The following MACROD2 variants were observed in gnomAD, a reference collection of about 807,000 sequenced individuals.
The protein encoded by MACROD2 is mono-ADP ribosylhydrolase 2.
Under a neutral mutation model 70.4 loss-of-function variants are expected in MACROD2, and 36 were observed. The observed-to-expected ratio is 0.51, with a 90% CI of 0.39 to 0.68. The LOEUF (loss-of-function observed/expected upper bound fraction) is 0.68. MACROD2 is among the 30% of genes least tolerant of loss of function. The pLI is 0.00. For missense variants in MACROD2, 496 were observed against 538.4 expected (o/e 0.92, Z 0.78); for synonymous variants, 172 against 178.8 (o/e 0.96, Z 0.30).
At chr20:15,559,087 C>T (rs2048206368) in intron 8 of MACROD2, among the ~76,000 whole-genome samples, 1 of 151,878 alleles carries the variant, frequency 6.6e-6, no homozygotes. Flanking sequence ...ATTAGCTGGG[C>T]ATGGTGGCGC....
At chr20:15,488,062 A>AGG (rs556011166) in intron 7 of MACROD2, among the ~76,000 whole-genome samples, 81 of 152,262 alleles carry the variant, frequency 5.3e-4, no homozygotes, top group African/African-American at 1.9e-3. Flanking sequence ...TGTCCCTGAA[A>AGG]GGGGTCCTTC....
chr20:14,401,530 C>A (rs187439812), intron 3 of MACROD2, among the ~76,000 whole-genome samples: 49 of 152,234 alleles, frequency 3.2e-4, no homozygotes, highest in African/African-American at 8.2e-4. Context: ...AAATATGAAT[C>A]TAAATAAGTC....
chr20:14,100,847 T>C (rs566642906), intron 3 of MACROD2, among the ~76,000 whole-genome samples: 4 of 141,960 alleles, frequency 2.8e-5, no homozygotes, highest in African/African-American at 1.0e-4. Flanking sequence ...TATAATATAA[T>C]ATATATCATA....
intron 7 of MACROD2, among the ~76,000 whole-genome samples, chr20:15,476,248 C>G (rs955151689): frequency 1.3e-5 from 2 of 152,238 alleles, no homozygotes; most frequent in South Asian, 2.1e-4. Flanking sequence ...CCTTATTACC[C>G]CTTAAAATTT....
rs544468751 is a variant in MACROD2, at chr20:15,394,398, C to G, written c.541-37007C>G. Reference sequence around the variant, plus strand: ...TTGTTGCCCAAGCTCTGGTAGACCTCTCAGCTTTTTATGGCCTGCCAGCCT... The same window carrying G: ...TTGTTGCCCAAGCTCTGGTAGACCTGTCAGCTTTTTATGGCCTGCCAGCCT... On this transcript the variant is annotated intron_variant, in intron 6 of 17. Coordinates refer to ENST00000684519, the MANE Select transcript of MACROD2 (RefSeq NM_001351661.2). Among the ~76,000 whole-genome samples the G allele has an allele frequency of 1.2e-4, 18 of 152,296 alleles. No individual in the cohort carries two copies. In the South Asian group the frequency reaches 3.5e-3, roughly 30 times the overall value.
chr20:14,367,834 C>T (rs781063013), intron 3 of MACROD2, among the ~76,000 whole-genome samples: 2 of 151,860 alleles, frequency 1.3e-5, no homozygotes, highest in Non-Finnish European at 2.9e-5. Flanking sequence ...AGTGCTCAGC[C>T]ATTATCTTTA....
intron 8 of MACROD2, among the ~76,000 whole-genome samples, chr20:15,738,331 A>G (rs1156540892): frequency 1.3e-5 from 2 of 152,204 alleles, no homozygotes; most frequent in Admixed American, 6.5e-5. Context: ...ACTATGTAAA[A>G]AAGAAAGTGA....
intron 3 of MACROD2, among the ~76,000 whole-genome samples, chr20:14,341,702 T>C (rs2083014791): frequency 6.6e-6 from 1 of 152,200 alleles, no homozygotes; most frequent in South Asian, 2.1e-4. Flanking sequence ...GGACTGTTAT[T>C]AGTTAAGATA....
intron 3 of MACROD2, among the ~76,000 whole-genome samples, chr20:14,090,182 T>C (rs1262899256): frequency 1.3e-5 from 2 of 152,248 alleles, no homozygotes; most frequent in Non-Finnish European, 1.5e-5. Context: ...TGAATGTGTG[T>C]ATATATGTGT....
chr20:14,460,591 A>G (rs1465138981), intron 3 of MACROD2, among the ~76,000 whole-genome samples: 1 of 152,116 alleles, frequency 6.6e-6, no homozygotes, highest in Non-Finnish European at 1.5e-5. Flanking sequence ...TTTGAGATAC[A>G]TTCCATCAAT....
chr20:15,941,093 C>A (rs940990952), intron 12 of MACROD2, among the ~76,000 whole-genome samples: 12 of 152,084 alleles, frequency 7.9e-5, no homozygotes, highest in Non-Finnish European at 2.9e-5. Flanking sequence ...CCATTAATTG[C>A]TTATGCCAGG....
chr20:14,718,292 C>CAA lies in MACROD2; in HGVS notation c.418+33358_418+33359dup, dbSNP rs11358439. The stretch of plus-strand genomic sequence containing the variant: ...TGGGCGACAGAGAGAGACTCTGTCT[C>CAA]AAAAAAAAAAAAAAAAAAAAAAAAA... On this transcript the variant is annotated intron_variant, in intron 5 of 17. Coordinates refer to ENST00000684519, the MANE Select transcript of MACROD2 (RefSeq NM_001351661.2). Among the ~76,000 whole-genome samples the CAA allele has an allele frequency of 3.9e-3, 215 of 54,650 alleles. 41 individuals are homozygous for CAA. The highest frequency in any genetic ancestry group is 0.011 in the East Asian group (19 of 1,672). 35.9% of individuals were successfully genotyped at this position (54,650 alleles called of 152,430 possible). A position where few individuals can be genotyped will look rare whatever the true frequency, so the allele number is the denominator to read the frequency against.
chr20:14,981,734 C>T (rs2074803043), intron 5 of MACROD2, among the ~76,000 whole-genome samples: 1 of 152,092 alleles, frequency 6.6e-6, no homozygotes, highest in East Asian at 1.9e-4. Context: ...TGTGAGGCCT[C>T]CCCAGCCACA....
chr20:15,187,881 T>A (rs6135359), intron 5 of MACROD2, among the ~76,000 whole-genome samples: 12,522 of 152,204 alleles, frequency 0.082, 635 homozygotes, highest in Admixed American at 0.12. Flanking sequence ...TTTTTAAAAA[T>A]TGTTTCACAA....
rs552060721 is a variant in MACROD2, at chr20:15,792,790, C to T, written c.646-69955C>T. Among the ~76,000 whole-genome samples the T allele has an allele frequency of 4.6e-5, 7 of 152,294 alleles. No homozygotes were observed. In the South Asian group the frequency reaches 1.5e-3, roughly 32 times the overall value. ...CAGAAGTCTGGAATATACATTTCTT[C>T]ATGACTTTGTGATGCCTCTGATGGG... On this transcript the variant is annotated intron_variant, in intron 8 of 17. Coordinates refer to ENST00000684519, the MANE Select transcript of MACROD2 (RefSeq NM_001351661.2).
At position 15,157,816 on chromosome 20, in the gene MACROD2, A is replaced by G. The variant is rs571073177; in HGVS notation, c.419-72124A>G. 7.6e-4 allele frequency among the ~76,000 whole-genome samples: 116 copies of G among 152,174 alleles called. 1 individual carries two copies. The highest frequency in any genetic ancestry group is 2.4e-3 in the African/African-American group (100 of 41,528). On this transcript the variant is annotated intron_variant, in intron 5 of 17. Coordinates refer to ENST00000684519, the MANE Select transcript of MACROD2 (RefSeq NM_001351661.2). ...GCAGATGCTGGTTAGTGGTGGCTGT[A>G]TCCCTCTTCAGAAGTAGCCCTCTTT... is the stretch of plus-strand genomic sequence containing the variant.
intron 6 of MACROD2, among the ~76,000 whole-genome samples, chr20:15,379,496 A>G (rs948173584): frequency 3.3e-5 from 5 of 151,928 alleles, no homozygotes; most frequent in Non-Finnish European, 5.9e-5. Context: ...TTCCAACCAC[A>G]GGTGGTCCAC....
intron 3 of MACROD2, among the ~76,000 whole-genome samples, chr20:14,463,896 G>C (rs904868079): frequency 6.6e-6 from 1 of 151,982 alleles, no homozygotes; most frequent in Non-Finnish European, 1.5e-5. Context: ...ACTAGATCAT[G>C]GTGGATAAGC....
intron 3 of MACROD2, among the ~76,000 whole-genome samples, chr20:14,276,473 G>A (rs1283236461): frequency 9.6e-6 from 1 of 104,268 alleles, no homozygotes; most frequent in African/African-American, 3.9e-5. Context: ...TCTGGGGACT[G>A]TTGTGGGGTG....
Sources: gnomAD v4.1 joint callset for allele counts (sites outside exome capture counted in the v4.1 genomes callset) on GRCh38, gnomAD v4.1.1 for gene constraint, MANE v1.5 for transcripts, NCBI Gene and HGNC (gene_info 2026-07-23, HGNC 2026-07-21) for gene names.